The following PTGFR variants were observed in gnomAD, a reference collection of about 807,000 sequenced individuals.
PTGFR encodes the protein prostaglandin F receptor.
PTGFR carries 15 observed loss-of-function variants against 26.2 expected under a neutral mutation model. The ratio of observed to expected loss-of-function variants is 0.57; its 90% CI spans 0.38 to 0.88. The LOEUF (loss-of-function observed/expected upper bound fraction) is 0.88, where lower values mean the gene tolerates loss of function less well. Among genes scored for constraint, PTGFR ranks in the 40% least tolerant of loss-of-function variants. The pLI is 0.00. For missense variants in PTGFR, 369 were observed against 427.2 expected (o/e 0.86, Z 1.20); for synonymous variants, 165 against 151.1 (o/e 1.09, Z -0.68).
At chr1:78,501,363 G>A (rs1438163741) in intron 2 of PTGFR, among the ~76,000 whole-genome samples, 1 of 152,170 alleles carries the variant, frequency 6.6e-6, no homozygotes, top group East Asian at 1.9e-4. Context: ...ATACATCAGT[G>A]TCATTTATCT....
At chr1:78,528,855 C>T (rs541363522) in intron 2 of PTGFR, among the ~76,000 whole-genome samples, 40 of 152,030 alleles carry the variant, frequency 2.6e-4, no homozygotes, top group Non-Finnish European at 4.4e-4. Context: ...AAGTAGATGC[C>T]GAGGCACAGA....
At chr1:78,504,266 G>T (rs943740059) in intron 2 of PTGFR, among the ~76,000 whole-genome samples, 4 of 152,030 alleles carry the variant, frequency 2.6e-5, no homozygotes, top group Non-Finnish European at 5.9e-5. Flanking sequence ...CCACTACCCA[G>T]AAATAACTAC....
intron 2 of PTGFR, chr1:78,532,390 A>ATATATATATATATATATATATATATG (rs1317673207): frequency 2.3e-5 from 3 of 132,074 alleles, no homozygotes; most frequent in South Asian, 6.0e-4. Context: ...ATATATATAT[A>ATATATATATATATATATATATATATG]TATATATGTA....
At chr1:78,491,522 C>T (rs1183342912) in intron 1 of PTGFR, among the ~76,000 whole-genome samples, 1 of 152,220 alleles carries the variant, frequency 6.6e-6, no homozygotes, top group Non-Finnish European at 1.5e-5. Context: ...TCCCTGCGGG[C>T]GGCACTGCGA....
rs974823166 is a variant in PTGFR at position 78,515,990 on chromosome 1, G to A, written c.799-20416G>A. ...AATGTCACATAAGGATTTTTAAAAT[G>A]TTATTTCTTGTAAAAAGAGTCAAGT... On this transcript the variant is annotated intron_variant, in intron 2 of 2. Coordinates refer to ENST00000370757, the MANE Select transcript of PTGFR (RefSeq NM_000959.4). 2.6e-5 allele frequency among the ~76,000 whole-genome samples: 4 copies of A among 152,124 alleles called. No homozygotes were observed. In the East Asian group the frequency reaches 5.8e-4, roughly 22 times the overall value.
At chr1:78,498,080 G>C in intron 2 of PTGFR, 1 of 654,112 alleles carries the variant, frequency 1.5e-6, no homozygotes, top group Non-Finnish European at 2.5e-6. Context: ...GTTAGATATA[G>C]ATCAAAGAAC....
At chr1:78,516,436 T>C (rs1650092110) in intron 2 of PTGFR, among the ~76,000 whole-genome samples, 1 of 152,226 alleles carries the variant, frequency 6.6e-6, no homozygotes, top group Admixed American at 6.5e-5. Context: ...ATGGTTGTGA[T>C]ATGTAGAGAA....
intron 2 of PTGFR, among the ~76,000 whole-genome samples, chr1:78,526,020 C>G (rs555557526): frequency 4.0e-5 from 6 of 151,880 alleles, no homozygotes; most frequent in Non-Finnish European, 8.8e-5. Context: ...ATGATCGTAC[C>G]AAGGAAACAC....
At chr1:78,521,496 A>G (rs1228886512) in intron 2 of PTGFR, among the ~76,000 whole-genome samples, 3 of 151,938 alleles carry the variant, frequency 2.0e-5, no homozygotes, top group African/African-American at 7.2e-5. Context: ...TAAAATTTGA[A>G]AAATACAGAA....
rs544844802 is a variant in PTGFR, at chr1:78,532,484, GTATATATGTGTA to G, written c.799-3916_799-3905del. 1.1e-3 allele frequency: 152 copies of G among 135,134 alleles called. 3 individuals are homozygous for G. The highest frequency in any genetic ancestry group is 4.9e-3 in the African/African-American group (150 of 30,596). The allele number at this position is 135,134 out of a possible 1,614,324, so 8.4% of individuals were successfully genotyped here. ...TATATTTGTGTGTGTATATATGTGTGTATATATGTGTATATATTTGTGTGTGTATATGTGTAT... is the reference window on the plus strand; with the variant it reads ...TATATTTGTGTGTGTATATATGTGTGTATATTTGTGTGTGTATATGTGTAT... On this transcript the variant is annotated intron_variant, in intron 2 of 2. Transcript: ENST00000370757.
intron 2 of PTGFR, among the ~76,000 whole-genome samples, chr1:78,515,533 T>C (rs941831852): frequency 3.3e-5 from 5 of 152,186 alleles, no homozygotes; most frequent in African/African-American, 1.2e-4. Flanking sequence ...AAAAATCATC[T>C]CTCTAAAAAG....
intron 2 of PTGFR, among the ~76,000 whole-genome samples, chr1:78,507,153 C>T (rs1404384646): frequency 1.3e-5 from 2 of 152,258 alleles, no homozygotes; most frequent in Admixed American, 6.5e-5. Flanking sequence ...GAACTCTGTC[C>T]TCTGATTCTT....
chr1:78,502,586 G>C (rs1350637929), intron 2 of PTGFR, among the ~76,000 whole-genome samples: 1 of 152,100 alleles, frequency 6.6e-6, no homozygotes, highest in Non-Finnish European at 1.5e-5. Flanking sequence ...TGTTGTTGCT[G>C]TTACTATTAA....
intron 2 of PTGFR, among the ~76,000 whole-genome samples, chr1:78,520,867 G>A (rs1331483926): frequency 6.6e-6 from 1 of 152,064 alleles, no homozygotes; most frequent in Non-Finnish European, 1.5e-5. Flanking sequence ...CTTGGGGTGT[G>A]AGAATCAAGT....
chr1:78,522,124 G>A (rs1255794735), intron 2 of PTGFR, among the ~76,000 whole-genome samples: 2 of 152,048 alleles, frequency 1.3e-5, no homozygotes, highest in Non-Finnish European at 2.9e-5. Context: ...TGAGGTCCTT[G>A]TTTCCTGACT....
chr1:78,523,265 C>T (rs1301685260), intron 2 of PTGFR, among the ~76,000 whole-genome samples: 1 of 152,080 alleles, frequency 6.6e-6, no homozygotes. Flanking sequence ...AACTGGCTTA[C>T]TGATATATTT....
intron 2 of PTGFR, among the ~76,000 whole-genome samples, chr1:78,495,840 A>T (rs1405130181): frequency 6.6e-6 from 1 of 152,224 alleles, no homozygotes; most frequent in African/African-American, 2.4e-5. Context: ...TTACAATTTA[A>T]TTCCTATTTT....
chr1:78,517,188 C>T (rs920726491), intron 2 of PTGFR, among the ~76,000 whole-genome samples: 1 of 152,050 alleles, frequency 6.6e-6, no homozygotes, highest in Admixed American at 6.6e-5. Context: ...ATAAAATGTA[C>T]CATAATGAGT....
At chr1:78,507,406 T>C (rs1649852831) in intron 2 of PTGFR, among the ~76,000 whole-genome samples, 1 of 152,198 alleles carries the variant, frequency 6.6e-6, no homozygotes, top group South Asian at 2.1e-4. Context: ...CCATAGGAGC[T>C]TATTTGGCCA....
Sources: gnomAD v4.1 joint callset for allele counts (sites outside exome capture counted in the v4.1 genomes callset) on GRCh38, gnomAD v4.1.1 for gene constraint, MANE v1.5 for transcripts, NCBI Gene and HGNC (gene_info 2026-07-23, HGNC 2026-07-21) for gene names.